Variants in NEGR1 observed in about 807,000 individuals in gnomAD.
NEGR1 encodes neuronal growth regulator 1, also known as IgLON family member 4.
In NEGR1, 10 loss-of-function variants were observed where a neutral mutation model predicts 40.9. That is an observed-to-expected ratio of 0.24 (90% confidence interval 0.15 to 0.42). The LOEUF (loss-of-function observed/expected upper bound fraction) is 0.42, where lower values mean the gene tolerates loss of function less well. NEGR1 is among the 10% of genes least tolerant of loss of function. NEGR1 has a pLI of 1.00. For missense variants in NEGR1, 352 were observed against 438.9 expected (o/e 0.80, Z 1.77); for synonymous variants, 185 against 166.8 (o/e 1.11, Z -0.84).
chr1:71,795,498 C>T (rs1255490891), intron 2 of NEGR1, among the ~76,000 whole-genome samples: 1 of 152,054 alleles, frequency 6.6e-6, no homozygotes, highest in South Asian at 2.1e-4. Flanking sequence ...GCCATCTATA[C>T]TCAAGAAATT....
intron 1 of NEGR1, among the ~76,000 whole-genome samples, chr1:72,142,681 T>C (rs533666921): frequency 4.6e-4 from 70 of 152,038 alleles, no homozygotes; most frequent in African/African-American, 1.6e-3. Flanking sequence ...CAGGCTACCT[T>C]ACATATACAA....
Position 71,882,610 on chromosome 1 carries a change from T to G in NEGR1, c.409+52469A>C, listed in dbSNP as rs1032518244. On this transcript the variant is annotated intron_variant, in intron 2 of 6. Coordinates refer to ENST00000357731, the MANE Select transcript of NEGR1 (RefSeq NM_173808.3). The stretch of plus-strand genomic sequence containing the variant: ...TTCCTTAAAAATTAAACAGACACTG[T>G]GAAATTTAATAAGGCTTAAAAGGGA... 9.5e-4 allele frequency among the ~76,000 whole-genome samples: 145 copies of G among 151,918 alleles called. 1 individual carries two copies. The highest frequency in any genetic ancestry group is 3.5e-3 in the African/African-American group (143 of 41,364).
chr1:71,806,109 A>G (rs1657761250), intron 2 of NEGR1, among the ~76,000 whole-genome samples: 1 of 152,156 alleles, frequency 6.6e-6, no homozygotes, highest in Non-Finnish European at 1.5e-5. Context: ...ATGAAAAACC[A>G]TGTCACAATA....
chr1:72,186,151 A>C (rs1652603955), intron 1 of NEGR1, among the ~76,000 whole-genome samples: 1 of 151,758 alleles, frequency 6.6e-6, no homozygotes, highest in African/African-American at 2.4e-5. Flanking sequence ...TCTTGTTCAT[A>C]TGTAACTTGG....
At chr1:71,685,900 C>T (rs1301330662) in intron 4 of NEGR1, among the ~76,000 whole-genome samples, 1 of 152,080 alleles carries the variant, frequency 6.6e-6, no homozygotes, top group Non-Finnish European at 1.5e-5. Flanking sequence ...TTTTTGGCAT[C>T]GCGACGGAGC....
At chr1:71,843,115 G>A (rs1037576004) in intron 2 of NEGR1, among the ~76,000 whole-genome samples, 3 of 152,156 alleles carry the variant, frequency 2.0e-5, no homozygotes, top group East Asian at 1.9e-4. Flanking sequence ...GCAAATGAAT[G>A]TCGTTATAGT....
chr1:71,485,809 T>C (rs1646884304), intron 6 of NEGR1, among the ~76,000 whole-genome samples: 1 of 151,758 alleles, frequency 6.6e-6, no homozygotes, highest in South Asian at 2.1e-4. Flanking sequence ...ACCGTCTTTA[T>C]ATGCCTTAGT....
intron 4 of NEGR1, among the ~76,000 whole-genome samples, chr1:71,672,958 G>C (rs958387174): frequency 2.0e-5 from 3 of 152,130 alleles, no homozygotes; most frequent in Admixed American, 2.0e-4. Flanking sequence ...ATCCATGGCC[G>C]GGTGCGGTGG....
At chr1:71,808,605 TAAAC>T (rs557156013) in intron 2 of NEGR1, among the ~76,000 whole-genome samples, 300 of 152,148 alleles carry the variant, frequency 2.0e-3, no homozygotes, top group African/African-American at 7.0e-3. Flanking sequence ...GATTTTAGAA[TAAAC>T]AAAAGAATGT....
At chr1:71,544,894 G>A (rs1472659675) in intron 6 of NEGR1, among the ~76,000 whole-genome samples, 1 of 151,656 alleles carries the variant, frequency 6.6e-6, no homozygotes, top group Non-Finnish European at 1.5e-5. Flanking sequence ...GCAGCCTTGA[G>A]CAACTTAACC....
chr1:72,043,324 T>C (rs1475020005), intron 1 of NEGR1, among the ~76,000 whole-genome samples: 1 of 151,952 alleles, frequency 6.6e-6, no homozygotes. Context: ...GTCTTTTCTG[T>C]TTGAAATAAC....
chr1:71,630,988 T>C lies in NEGR1; in HGVS notation c.668-19842A>G, dbSNP rs551631117. On this transcript the variant is annotated intron_variant, in intron 4 of 6. Coordinates refer to ENST00000357731, the MANE Select transcript of NEGR1 (RefSeq NM_173808.3). ...ATTTGGTATGGACAGTAAATTATTA[T>C]AACTAGCATGTGCATAGCGATTATG... Among the ~76,000 whole-genome samples the C allele has an allele frequency of 1.4e-4, 21 of 152,058 alleles. No homozygotes were observed. In the East Asian group the frequency reaches 1.9e-3, roughly 14 times the overall value.
chr1:71,935,367 T>G (rs912398436), intron 1 of NEGR1, 56 bp from the exon 2 acceptor site: 1 of 1,243,226 alleles, frequency 8.0e-7, no homozygotes, highest in Admixed American at 1.7e-5. Flanking sequence ...AGAGACAACA[T>G]TATTTTGTTC....
At chr1:71,579,479 G>A (rs1649061858) in intron 6 of NEGR1, among the ~76,000 whole-genome samples, 2 of 152,122 alleles carry the variant, frequency 1.3e-5, no homozygotes, top group South Asian at 4.1e-4. Flanking sequence ...TTAATCTTAT[G>A]TCCCAAGCAT....
intron 1 of NEGR1, among the ~76,000 whole-genome samples, chr1:72,149,879 CAAAA>C (rs1180110033): frequency 1.5e-4 from 6 of 39,368 alleles, no homozygotes; most frequent in African/African-American, 2.6e-4. Flanking sequence ...AAAACTCTGT[CAAAA>C]AAAAAAAAAA....
At chr1:71,521,901 T>C (rs553122955) in intron 6 of NEGR1, among the ~76,000 whole-genome samples, 1 of 151,920 alleles carries the variant, frequency 6.6e-6, no homozygotes, top group Non-Finnish European at 1.5e-5. Context: ...ATAGTTAACA[T>C]GGGGGATGAG....
chr1:71,594,296 T>G (rs1006547620), intron 5 of NEGR1, among the ~76,000 whole-genome samples: 1 of 152,194 alleles, frequency 6.6e-6, no homozygotes, highest in Admixed American at 6.5e-5. Context: ...GTAGTTTTTC[T>G]CTCTTTAATG....
At chr1:72,211,988 TA>T (rs1476965546) in intron 1 of NEGR1, among the ~76,000 whole-genome samples, 1 of 151,970 alleles carries the variant, frequency 6.6e-6, no homozygotes, top group East Asian at 1.9e-4. Flanking sequence ...GTTTTTAATA[TA>T]AAATATGTAA....
At chr1:71,665,560 C>A (rs973455829) in intron 4 of NEGR1, among the ~76,000 whole-genome samples, 1 of 152,158 alleles carries the variant, frequency 6.6e-6, no homozygotes, top group African/African-American at 2.4e-5. Flanking sequence ...AGTGACGTAG[C>A]ACCCACACTC....
Sources: gnomAD v4.1 joint callset for allele counts (sites outside exome capture counted in the v4.1 genomes callset) on GRCh38, gnomAD v4.1.1 for gene constraint, MANE v1.5 for transcripts, NCBI Gene and HGNC (gene_info 2026-07-23, HGNC 2026-07-21) for gene names.